Variants in NAALADL2 observed in about 807,000 individuals in gnomAD.
NAALADL2 encodes the protein inactive N-acetylated-alpha-linked acidic dipeptidase-like protein 2.
Under a neutral mutation model 87.2 loss-of-function variants are expected in NAALADL2, and 76 were observed. The ratio of observed to expected loss-of-function variants is 0.87; its 90% CI spans 0.72 to 1.05. NAALADL2 has a LOEUF of 1.05. NAALADL2 is among the 50% of genes least tolerant of loss of function. The probability of loss-of-function intolerance (pLI) is 0.00; values close to 1 mark genes in which losing one functional copy is unlikely to be tolerated. For synonymous variants in NAALADL2, 354 were observed against 331.0 expected (o/e 1.07, Z -0.75); for missense variants, 1,089 against 945.8 (o/e 1.15, Z -1.99).
At chr3:174,635,047 A>G (rs1394770750) in intron 2 of NAALADL2, among the ~76,000 whole-genome samples, 1 of 152,164 alleles carries the variant, frequency 6.6e-6, no homozygotes, top group East Asian at 1.9e-4. Context: ...ATCTTGCTTC[A>G]AATTGTTTTA....
rs115429894 is a variant in NAALADL2, at chr3:175,594,062, T to C, written c.1800+17875T>C. Among the ~76,000 whole-genome samples, 540 of 152,072 alleles carry C rather than the reference T, an allele frequency of 3.6e-3. 6 individuals carry two copies. Among genetic ancestry groups the C allele is most frequent in the African/African-American group, 0.012 (506 of 41,490 alleles). ...TTTGTTACATGGGCATGTTGCACAA[T>C]GCTGAGGTTTAGGGTACAGATCCTG... On this transcript the variant is annotated intron_variant, in intron 10 of 13. Transcript: ENST00000454872.
Position 175,635,081 on chromosome 3 carries a change from T to C in NAALADL2, c.1896+7695T>C, listed in dbSNP as rs1728318731. 2.6e-5 allele frequency among the ~76,000 whole-genome samples: 4 copies of C among 152,096 alleles called. No individual in the cohort carries two copies. In the South Asian group the frequency reaches 8.3e-4, roughly 32 times the overall value. Reference sequence around the variant, plus strand: ...GTGTATTTTCCTCATAAGTGCATAATTAAACTTAATATCTTCATTTACTGA... The same window carrying C: ...GTGTATTTTCCTCATAAGTGCATAACTAAACTTAATATCTTCATTTACTGA... On this transcript the variant is annotated intron_variant, in intron 11 of 13. Transcript: ENST00000454872.
chr3:174,846,487 T>G (rs536579704), intron 3 of NAALADL2, among the ~76,000 whole-genome samples: 133 of 152,328 alleles, frequency 8.7e-4, no homozygotes, highest in African/African-American at 2.9e-3. Flanking sequence ...TCTTAAAATT[T>G]TGTATGCCAC....
At chr3:175,665,768 T>A (rs1732876637) in intron 11 of NAALADL2, among the ~76,000 whole-genome samples, 1 of 152,050 alleles carries the variant, frequency 6.6e-6, no homozygotes, top group Non-Finnish European at 1.5e-5. Flanking sequence ...CCTTCTCTGC[T>A]AAAAATACAA....
chr3:174,982,120 C>T (rs748113524), intron 1 of NAALADL2, among the ~76,000 whole-genome samples: 9 of 152,114 alleles, frequency 5.9e-5, no homozygotes, highest in Non-Finnish European at 1.2e-4. Context: ...CAACATACAA[C>T]CAGAACCCAC....
intron 4 of NAALADL2, among the ~76,000 whole-genome samples, chr3:175,300,255 G>C (rs1428522707): frequency 6.6e-6 from 1 of 151,988 alleles, no homozygotes; most frequent in Non-Finnish European, 1.5e-5. Flanking sequence ...TTTCTTTTTT[G>C]TTGTTGTGTC....
intron 3 of NAALADL2, among the ~76,000 whole-genome samples, chr3:174,780,806 T>G (rs1420801905): frequency 2.0e-5 from 3 of 152,086 alleles, no homozygotes; most frequent in Non-Finnish European, 2.9e-5. Context: ...TGTGTGTGAA[T>G]TTGATCCTGT....
chr3:174,657,649 G>T (rs146051015), intron 2 of NAALADL2, among the ~76,000 whole-genome samples: 9 of 152,252 alleles, frequency 5.9e-5, no homozygotes, highest in African/African-American at 1.9e-4. Flanking sequence ...GGGCATAATT[G>T]ACATCAGGAT....
At chr3:175,769,837 G>T (rs969902993) in intron 13 of NAALADL2, among the ~76,000 whole-genome samples, 1 of 152,078 alleles carries the variant, frequency 6.6e-6, no homozygotes, top group African/African-American at 2.4e-5. Context: ...GACAATGAAG[G>T]CTGACAGCTC....
chr3:174,809,411 A>G (rs1719895498), intron 3 of NAALADL2, among the ~76,000 whole-genome samples: 1 of 152,216 alleles, frequency 6.6e-6, no homozygotes, highest in Admixed American at 6.5e-5. Context: ...GCAAGAATCT[A>G]GGGCACTATG....
chr3:175,139,872 C>T (rs1729733033), intron 2 of NAALADL2, among the ~76,000 whole-genome samples: 1 of 152,092 alleles, frequency 6.6e-6, no homozygotes, highest in Non-Finnish European at 1.5e-5. Context: ...GGGGTACCAA[C>T]TGATAAAAAT....
chr3:174,893,501 A>G (rs1317095800), intron 1 of NAALADL2, among the ~76,000 whole-genome samples: 4 of 152,226 alleles, frequency 2.6e-5, no homozygotes, highest in African/African-American at 9.6e-5. Context: ...ACTTTTCAAG[A>G]CATAGTCAGT....
At chr3:174,529,795 G>A (rs1721077451) in intron 1 of NAALADL2, among the ~76,000 whole-genome samples, 1 of 152,096 alleles carries the variant, frequency 6.6e-6, no homozygotes, top group African/African-American at 2.4e-5. Context: ...TTTCAGCCAC[G>A]GCTAGAGCAG....
chr3:174,927,425 A>C (rs1736233674), intron 1 of NAALADL2, among the ~76,000 whole-genome samples: 1 of 152,142 alleles, frequency 6.6e-6, no homozygotes, highest in African/African-American at 2.4e-5. Flanking sequence ...GCACCACATC[A>C]CACTTATTCC....
chr3:174,760,079 G>A (rs1433514152), intron 3 of NAALADL2, among the ~76,000 whole-genome samples: 1 of 152,182 alleles, frequency 6.6e-6, no homozygotes, highest in Non-Finnish European at 1.5e-5. Context: ...CCAGTCTCCT[G>A]TAAAGTAGAT....
chr3:175,320,521 A>C (rs1243765786), intron 4 of NAALADL2, among the ~76,000 whole-genome samples: 3 of 152,160 alleles, frequency 2.0e-5, no homozygotes, highest in Admixed American at 6.5e-5. Flanking sequence ...TGACTAGTAT[A>C]CTGGGGTCTG....
chr3:174,666,353 A>G (rs496278), intron 2 of NAALADL2, among the ~76,000 whole-genome samples: 98,191 of 152,078 alleles, frequency 0.65, 32,354 homozygotes, highest in Admixed American at 0.73. Context: ...CACGAATAGT[A>G]TGAATTACTT....
At chr3:175,036,507 C>T (rs920093556) in intron 1 of NAALADL2, among the ~76,000 whole-genome samples, 1 of 152,016 alleles carries the variant, frequency 6.6e-6, no homozygotes, top group Non-Finnish European at 1.5e-5. Context: ...TCACACTATT[C>T]TCCTGCCTCA....
rs71164650 is a variant in NAALADL2, at chr3:175,737,714, G to GTTTTTTTTTTTTTTTTTTTT, written c.1990+326_1990+345dup. 9.1e-5 allele frequency among the ~76,000 whole-genome samples: 5 copies of GTTTTTTTTTTTTTTTTTTTT among 54,760 alleles called. 1 individual carries two copies. Among genetic ancestry groups the GTTTTTTTTTTTTTTTTTTTT allele is most frequent in the African/African-American group, 4.1e-4 (5 of 12,160 alleles). The allele number at this position is 54,760 out of a possible 152,430, so 35.9% of individuals were successfully genotyped here. ...TAGAATAATACAGTTCAATGATCCA[G>GTTTTTTTTTTTTTTTTTTTT]TTTTTTTTTTTTTTTTTTTTTTTTT... On this transcript the variant is annotated intron_variant, in intron 12 of 13. Coordinates refer to ENST00000454872, the MANE Select transcript of NAALADL2 (RefSeq NM_207015.3).
Sources: allele counts gnomAD v4.1 joint callset (sites outside exome capture counted in the v4.1 genomes callset), GRCh38; gene constraint gnomAD v4.1.1; transcripts MANE v1.5; gene names NCBI Gene and HGNC (gene_info 2026-07-23, HGNC 2026-07-21).